Variants in GPC5 observed in about 807,000 individuals in gnomAD.
GPC5 encodes the protein glypican-5.
GPC5 carries 47 observed loss-of-function variants against 53.9 expected under a neutral mutation model. The observed-to-expected ratio is 0.87, with a 90% CI of 0.69 to 1.11. GPC5 has a LOEUF of 1.11. Ranked by LOEUF, GPC5 falls within the 50% of genes most tolerant of loss-of-function variation. The pLI is 0.00. For missense variants in GPC5, 748 were observed against 713.1 expected (o/e 1.05, Z -0.56); for synonymous variants, 286 against 263.3 (o/e 1.09, Z -0.84).
intron 7 of GPC5, among the ~76,000 whole-genome samples, chr13:92,517,947 G>A (rs1037818492): frequency 5.3e-5 from 8 of 152,130 alleles, no homozygotes; most frequent in African/African-American, 9.7e-5. Flanking sequence ...TAGATGAATG[G>A]CTAACTAGAA....
At chr13:92,381,914 A>G (rs2043749326) in intron 7 of GPC5, among the ~76,000 whole-genome samples, 1 of 135,184 alleles carries the variant, frequency 7.4e-6, no homozygotes, top group South Asian at 2.2e-4. Context: ...TATATGATAT[A>G]TATAATCATA....
intron 2 of GPC5, among the ~76,000 whole-genome samples, chr13:91,554,038 A>C (rs2030800762): frequency 6.6e-6 from 1 of 152,064 alleles, no homozygotes; most frequent in Admixed American, 6.6e-5. Flanking sequence ...AATTTAATAC[A>C]ATCCATTTCC....
intron 7 of GPC5, among the ~76,000 whole-genome samples, chr13:92,562,249 T>C (rs1162952055): frequency 6.6e-6 from 1 of 152,016 alleles, no homozygotes; most frequent in Admixed American, 6.6e-5. Context: ...ACCCTTACGC[T>C]GTGCATTTTT....
intron 2 of GPC5, among the ~76,000 whole-genome samples, chr13:91,628,693 C>T (rs981479592): frequency 2.6e-5 from 4 of 152,166 alleles, no homozygotes; most frequent in Admixed American, 1.3e-4. Flanking sequence ...TTCTCTGTCT[C>T]AGTTGCTTTA....
At chr13:91,986,534 T>C (rs1304993064) in intron 6 of GPC5, among the ~76,000 whole-genome samples, 2 of 152,334 alleles carry the variant, frequency 1.3e-5, no homozygotes, top group East Asian at 3.9e-4. Context: ...ACCATATGTT[T>C]CTTTAAGTCC....
intron 6 of GPC5, among the ~76,000 whole-genome samples, chr13:92,130,217 A>G (rs1391656348): frequency 2.6e-5 from 4 of 152,086 alleles, no homozygotes; most frequent in African/African-American, 7.2e-5. Flanking sequence ...TAGACAAGTA[A>G]TTGTTGAGAG....
chr13:92,677,586 C>A (rs1183629341), intron 7 of GPC5, among the ~76,000 whole-genome samples: 4 of 152,164 alleles, frequency 2.6e-5, no homozygotes, highest in South Asian at 2.1e-4. Context: ...TGGACTTGGC[C>A]TTTTAGCTTA....
chr13:92,758,454 A>C (rs1160617796), intron 7 of GPC5, among the ~76,000 whole-genome samples: 1 of 151,994 alleles, frequency 6.6e-6, no homozygotes, highest in African/African-American at 2.4e-5. Context: ...GTGCACATGT[A>C]CCCTAAAACT....
intron 7 of GPC5, among the ~76,000 whole-genome samples, chr13:92,628,747 C>T (rs934568377): frequency 2.6e-5 from 4 of 152,104 alleles, no homozygotes; most frequent in East Asian, 1.9e-4. Context: ...ACTCCTTCTC[C>T]GAGTTGAGAC....
chr13:92,160,164 C>A (rs2139004747), intron 7 of GPC5, among the ~76,000 whole-genome samples: 1 of 152,298 alleles, frequency 6.6e-6, no homozygotes, highest in Non-Finnish European at 1.5e-5. Flanking sequence ...CTTGCCTCAG[C>A]CTCCCAAAGT....
rs905201243 is a variant in GPC5 at position 91,545,848 on chromosome 13, T to C, written c.325+96926T>C. Reference sequence around the variant, plus strand: ...TGTGTAAGAGTGCTGTAAAATAATATGCTATCATGTTTTCAGATATATTTT... The same window carrying C: ...TGTGTAAGAGTGCTGTAAAATAATACGCTATCATGTTTTCAGATATATTTT... On this transcript the variant is annotated intron_variant, in intron 2 of 7. Coordinates refer to ENST00000377067, the MANE Select transcript of GPC5 (RefSeq NM_004466.6). 3.9e-5 allele frequency among the ~76,000 whole-genome samples: 6 copies of C among 152,174 alleles called. 1 individual carries two copies. In the South Asian group the frequency reaches 1.2e-3, roughly 32 times the overall value.
chr13:92,693,470 A>G (rs1887472542), intron 7 of GPC5, among the ~76,000 whole-genome samples: 1 of 152,164 alleles, frequency 6.6e-6, no homozygotes, highest in Non-Finnish European at 1.5e-5. Flanking sequence ...TAAGTAACTT[A>G]CTGGAAACTG....
chr13:91,791,809 A>G (rs1286024770), intron 5 of GPC5, among the ~76,000 whole-genome samples: 1 of 152,194 alleles, frequency 6.6e-6, no homozygotes, highest in Admixed American at 6.5e-5. Flanking sequence ...AGCAGATCTG[A>G]ATATGGTTAC....
At chr13:92,799,657 C>A (rs1196124021) in intron 7 of GPC5, among the ~76,000 whole-genome samples, 1 of 151,750 alleles carries the variant, frequency 6.6e-6, no homozygotes, top group East Asian at 1.9e-4. Flanking sequence ...TTCCATCTTA[C>A]AATTGTGATT....
chr13:91,505,747 A>G (rs985781796), intron 2 of GPC5, among the ~76,000 whole-genome samples: 1 of 152,070 alleles, frequency 6.6e-6, no homozygotes, highest in Middle Eastern at 3.4e-3. Context: ...ATTTTGTGGC[A>G]TTTTGGTAGG....
chr13:92,118,688 T>C (rs1466130232), intron 6 of GPC5, among the ~76,000 whole-genome samples: 3 of 152,196 alleles, frequency 2.0e-5, no homozygotes, highest in African/African-American at 4.8e-5. Flanking sequence ...AGATCACTAT[T>C]GGTATTTTGA....
chr13:92,554,937 G>GTTTTTTTTTTTTTTTTTTTTTT (rs148890213), intron 7 of GPC5, among the ~76,000 whole-genome samples: 1 of 147,136 alleles, frequency 6.8e-6, no homozygotes. Context: ...TAAGTTTTGA[G>GTTTTTTTTTTTTTTTTTTTTTT]TTTGTTTTTT....
intron 2 of GPC5, among the ~76,000 whole-genome samples, chr13:91,559,614 G>A (rs2031147686): frequency 1.3e-5 from 2 of 152,070 alleles, no homozygotes; most frequent in African/African-American, 4.8e-5. Context: ...ACATATACTT[G>A]GACCCACATG....
intron 5 of GPC5, among the ~76,000 whole-genome samples, chr13:91,857,426 T>C (rs1429381399): frequency 6.6e-6 from 1 of 151,530 alleles, no homozygotes; most frequent in Non-Finnish European, 1.5e-5. Context: ...ATAGTATTAC[T>C]GTATATATTT....
Sources: gnomAD v4.1 joint callset for allele counts (sites outside exome capture counted in the v4.1 genomes callset) on GRCh38, gnomAD v4.1.1 for gene constraint, MANE v1.5 for transcripts, NCBI Gene and HGNC (gene_info 2026-07-23, HGNC 2026-07-21) for gene names.